Variants in USP45 observed in about 807,000 individuals in gnomAD.
USP45 encodes ubiquitin specific peptidase 45, also known as ubiquitin carboxyl-terminal hydrolase 45.
USP45 carries 89 observed loss-of-function variants against 95.8 expected under a neutral mutation model. The ratio of observed to expected loss-of-function variants is 0.93; its 90% CI spans 0.78 to 1.11. The LOEUF is 1.11. USP45 is among the 50% of genes least tolerant of loss of function. The pLI, the probability that USP45 is intolerant of heterozygous loss-of-function variation, is 0.00. For missense variants in USP45, 898 were observed against 942.5 expected, an observed-to-expected ratio of 0.95 and a Z score of 0.62; for synonymous variants, 281 against 316.2, an observed-to-expected ratio of 0.89 and a Z score of 1.18.
At chr6:99,452,125 G>T (rs530937569) in intron 13 of USP45, among the ~76,000 whole-genome samples, 1 of 152,118 alleles carries the variant, frequency 6.6e-6, no homozygotes, top group African/African-American at 2.4e-5. Context: ...CATGGGCAAG[G>T]ACTTCATGTC....
At chr6:99,485,379 T>G (rs1026330431) in intron 7 of USP45, among the ~76,000 whole-genome samples, 14 of 152,018 alleles carry the variant, frequency 9.2e-5, no homozygotes, top group Admixed American at 6.6e-4. Flanking sequence ...AAAATACACT[T>G]AAACTTTGAA....
intron 1 of USP45, 49 bp downstream of exon 1, chr6:99,515,343 G>A (rs1005413842): frequency 6.6e-6 from 1 of 152,220 alleles, no homozygotes; most frequent in Non-Finnish European, 1.5e-5. Context: ...CCGAGAAACT[G>A]CGGCGACCAT....
chr6:99,442,822 G>A (rs186113391), intron 15 of USP45, among the ~76,000 whole-genome samples: 1 of 152,146 alleles, frequency 6.6e-6, no homozygotes, highest in Admixed American at 6.5e-5. Flanking sequence ...ACTCCAGCCT[G>A]GCAACAGAGG....
chr6:99,449,487 ACC>A (rs1783357298), intron 13 of USP45, among the ~76,000 whole-genome samples: 1 of 36,044 alleles, frequency 2.8e-5, no homozygotes, highest in Non-Finnish European at 5.2e-5. Context: ...ATATATATGC[ACC>A]CAATACAGGA....
At chr6:99,452,531 G>A (rs909620640) in intron 13 of USP45, among the ~76,000 whole-genome samples, 1 of 152,118 alleles carries the variant, frequency 6.6e-6, no homozygotes, top group African/African-American at 2.4e-5. Context: ...GAAACAACAG[G>A]TGCTGGAGAG....
At chr6:99,492,994 T>C (rs1356603612) in intron 5 of USP45, among the ~76,000 whole-genome samples, 2 of 152,150 alleles carry the variant, frequency 1.3e-5, no homozygotes. Flanking sequence ...AATTGATACA[T>C]AGTAAACTAG....
intron 5 of USP45, among the ~76,000 whole-genome samples, chr6:99,500,447 A>AC (rs1797138216): frequency 6.6e-6 from 1 of 152,074 alleles, no homozygotes; most frequent in Non-Finnish European, 1.5e-5. Context: ...TTTCCATCAT[A>AC]CCGTCCATGC....
At chr6:99,496,026 A>G (rs1796213561) in intron 5 of USP45, among the ~76,000 whole-genome samples, 1 of 152,184 alleles carries the variant, frequency 6.6e-6, no homozygotes, top group South Asian at 2.1e-4. Flanking sequence ...TTAAAATGTC[A>G]TTATCTTTTT....
chr6:99,488,556 A>G (rs888429535), intron 6 of USP45, 125 bp downstream of exon 6: 1 of 1,118,588 alleles, frequency 8.9e-7, no homozygotes, highest in African/African-American at 1.6e-5. Flanking sequence ...TAGCGTAAAC[A>G]AAAGGAAAAC....
At chr6:99,439,200 G>A (rs1781057833) in intron 16 of USP45, among the ~76,000 whole-genome samples, 1 of 152,126 alleles carries the variant, frequency 6.6e-6, no homozygotes, top group Admixed American at 6.6e-5. Flanking sequence ...CCCCATAACT[G>A]CTTCCTTCAA....
At chr6:99,463,548 G>C (rs1243501821) in intron 13 of USP45, among the ~76,000 whole-genome samples, 4 of 152,072 alleles carry the variant, frequency 2.6e-5, no homozygotes, top group African/African-American at 9.7e-5. Context: ...GATGAAAAGA[G>C]ATTTAAGAGA....
chr6:99,461,056 A>G, intron 13 of USP45: 1 of 985,356 alleles, frequency 1.0e-6, no homozygotes, highest in Non-Finnish European at 1.2e-6. Context: ...AAATTGTACC[A>G]GAGCACAATG....
chr6:99,463,990 G>A (rs547516627), intron 13 of USP45, among the ~76,000 whole-genome samples: 1 of 152,020 alleles, frequency 6.6e-6, no homozygotes, highest in Non-Finnish European at 1.5e-5. Flanking sequence ...TAATGGTACT[G>A]TGGTTTTTGG....
rs764904546 is a variant in USP45, at chr6:99,508,690, A to G, written c.193T>C (p.Cys65Arg). ...AENLWSVCSE[C>R]LKERRFYDGQ... ...TCATAGAATCTTCTTTCTTTTAAAC[A>G]TTCTGAGCAAACTGACCACAGATTC... Residue 65 changes from cysteine to arginine, a missense_variant, in exon 3 of 18, where the codon TGT (cysteine) becomes CGT (arginine). Coordinates refer to ENST00000500704, the MANE Select transcript of USP45 (RefSeq NM_001346022.3). 6.2e-7 allele frequency: 1 copy of G among 1,613,888 alleles called. No individual in the cohort carries two copies. Among genetic ancestry groups the G allele is most frequent in the South Asian group, 1.1e-5 (1 of 91,042 alleles).
At chr6:99,462,549 C>G (rs537530817) in intron 13 of USP45, 1 of 985,260 alleles carries the variant, frequency 1.0e-6, no homozygotes, top group Non-Finnish European at 1.2e-6. Flanking sequence ...TGTTTTATAC[C>G]ATTAGAATAA....
intron 7 of USP45, among the ~76,000 whole-genome samples, chr6:99,486,895 G>C (rs1337372157): frequency 6.6e-6 from 1 of 151,940 alleles, no homozygotes; most frequent in Non-Finnish European, 1.5e-5. Flanking sequence ...ATCCTTACTA[G>C]TATCAACACC....
chr6:99,446,871 G>A (rs1782658760), intron 13 of USP45, among the ~76,000 whole-genome samples: 1 of 152,136 alleles, frequency 6.6e-6, no homozygotes. Context: ...AGCCTCCCAT[G>A]TAGTTACTAC....
chr6:99,486,585 T>A (rs1793934624), intron 7 of USP45, among the ~76,000 whole-genome samples: 2 of 149,668 alleles, frequency 1.3e-5, no homozygotes, highest in African/African-American at 4.9e-5. Context: ...ATATATATGG[T>A]AAACATTTAC....
intron 13 of USP45, among the ~76,000 whole-genome samples, chr6:99,458,472 A>G (rs1172708480): frequency 6.6e-6 from 1 of 152,192 alleles, no homozygotes; most frequent in Admixed American, 6.5e-5. Flanking sequence ...ATCCATCCCA[A>G]TAAAAGTATG....
Sources: gnomAD v4.1 joint callset for allele counts (sites outside exome capture counted in the v4.1 genomes callset) on GRCh38, gnomAD v4.1.1 for gene constraint, MANE v1.5 for transcripts, NCBI Gene and HGNC (gene_info 2026-07-23, HGNC 2026-07-21) for gene names.